CRTC1: variants seen among roughly 807,000 people sequenced by gnomAD.
The protein encoded by CRTC1 is CREB-regulated transcription coactivator 1.
CRTC1 carries 18 observed loss-of-function variants against 66.1 expected under a neutral mutation model. The ratio of observed to expected loss-of-function variants is 0.27; its 90% CI spans 0.19 to 0.40. The LOEUF (loss-of-function observed/expected upper bound fraction) is 0.40. CRTC1 is among the 10% of genes least tolerant of loss of function. The pLI, the probability that CRTC1 is intolerant of heterozygous loss-of-function variation, is 1.00. For missense variants in CRTC1, 669 were observed against 887.9 expected (o/e 0.75, Z 3.13); for synonymous variants, 416 against 398.8 (o/e 1.04, Z -0.51).
chr19:18,762,771 C>T (rs74736618), intron 8 of CRTC1, among the ~76,000 whole-genome samples: 9,591 of 152,358 alleles, frequency 0.063, 377 homozygotes, highest in Non-Finnish European at 0.093. Flanking sequence ...GCAAGGCTCC[C>T]GTCCGCCCTC....
rs62137144 is a variant in CRTC1, at chr19:18,760,453, C to G, written c.886+225C>G. 0.047 allele frequency among the ~76,000 whole-genome samples: 7,081 copies of G among 152,168 alleles called. 270 individuals are homozygous for G. The highest frequency in any genetic ancestry group is 0.14 in the Middle Eastern group (42 of 294). On this transcript the variant is annotated intron_variant, in intron 8 of 13. Transcript: ENST00000321949. The surrounding 1 kb of genome is among the most constrained non-coding windows in gnomAD (Gnocchi z 6.2). ...GTGCCTGGTGCCCCCAGACACCAGA[C>G]AGTGGGTTTGAGGGTGTGTGATGGT...
intron 1 of CRTC1, among the ~76,000 whole-genome samples, chr19:18,712,706 T>A (rs1182424133): frequency 1.3e-5 from 2 of 151,720 alleles, no homozygotes; most frequent in East Asian, 2.0e-4. Context: ...ATTCCTATAA[T>A]CCCAACGCTT....
At chr19:18,762,627 C>A (rs745736749) in intron 8 of CRTC1, among the ~76,000 whole-genome samples, 9 of 152,348 alleles carry the variant, frequency 5.9e-5, no homozygotes, top group Non-Finnish European at 1.3e-4. Flanking sequence ...CCTGGCCCAG[C>A]TTTGAGGCCG....
Position 18,741,276 on chromosome 19 carries a change from C to A in CRTC1, c.127-1634C>A, listed in dbSNP as rs1162917632. On this transcript the variant is annotated intron_variant, in intron 1 of 13. Transcript: ENST00000321949. The surrounding 1 kb of genome is among the most constrained non-coding windows in gnomAD (Gnocchi z 4.2). ...AAAGCTGCTTCAGGGAGTTCTTGCC[C>A]CTGATGTCTGGCCTCCTGGGAGCTG... 6.6e-6 allele frequency among the ~76,000 whole-genome samples: 1 copy of A among 152,212 alleles called. No individual in the cohort carries two copies. The highest frequency in any genetic ancestry group is 1.5e-5 in the Non-Finnish European group (1 of 68,036).
At chr19:18,699,997 G>T (rs1305526592) in intron 1 of CRTC1, among the ~76,000 whole-genome samples, 1 of 152,078 alleles carries the variant, frequency 6.6e-6, no homozygotes, top group Non-Finnish European at 1.5e-5. Context: ...CCTCATCTCG[G>T]CAGCTCTCAC....
intron 10 of CRTC1, among the ~76,000 whole-genome samples, chr19:18,770,616 A>G (rs1182711124): frequency 6.7e-6 from 1 of 150,038 alleles, no homozygotes; most frequent in Admixed American, 6.6e-5. Context: ...GTGCGGGTGT[A>G]TGTGGTGTGC....
At chr19:18,714,462 C>T (rs2053462086) in intron 1 of CRTC1, among the ~76,000 whole-genome samples, 2 of 152,118 alleles carry the variant, frequency 1.3e-5, no homozygotes, top group Admixed American at 1.3e-4. Context: ...TGTGCACCAC[C>T]ACGCCCAGCT....
At position 18,781,232 on chromosome 19, in the gene CRTC1, G is replaced by A. The variant is rs936215378; in HGVS notation, c.*3850G>A. ...GTGCCCTGGGCCAGGGCGTGCGGGC[G>A]CCAGAGCCTTCCCTACACAGCCTAA... On this transcript the variant is annotated 3_prime_UTR_variant, in exon 14 of 14. Transcript: ENST00000321949. 26 of 227,042 alleles carry A rather than the reference G, an allele frequency of 1.1e-4. No homozygotes were observed. The highest frequency in any genetic ancestry group is 1.1e-3 in the Admixed American group (19 of 17,564). 14.1% of individuals were successfully genotyped at this position (227,042 alleles called of 1,614,324 possible).
rs980374015 is a variant in CRTC1, at chr19:18,777,891, C to T, written c.*509C>T. 3 of 262,500 alleles carry T rather than the reference C, an allele frequency of 1.1e-5. No homozygotes were observed. Among genetic ancestry groups the T allele is most frequent in the Non-Finnish European group, 2.2e-5 (3 of 138,666 alleles). The allele number at this position is 262,500 out of a possible 1,614,324, so 16.3% of individuals were successfully genotyped here. A position where few individuals can be genotyped will look rare whatever the true frequency, so the allele number is the denominator to read the frequency against. ...GGTAGAGAGTGAGCCCCACGCCGCC[C>T]CAGGGAGGAGGCGCCAGAGCGCGGG... On this transcript the variant is annotated 3_prime_UTR_variant, in exon 14 of 14. Coordinates refer to ENST00000321949, the MANE Select transcript of CRTC1 (RefSeq NM_015321.3). The surrounding 1 kb of genome is among the most constrained non-coding windows in gnomAD (Gnocchi z 5.5).
At chr19:18,734,100 C>G (rs2053946455) in intron 1 of CRTC1, among the ~76,000 whole-genome samples, 1 of 149,710 alleles carries the variant, frequency 6.7e-6, no homozygotes, top group African/African-American at 2.5e-5. Context: ...GAGACTCCGT[C>G]TCAAAAAAAA....
intron 1 of CRTC1, among the ~76,000 whole-genome samples, chr19:18,724,370 G>A (rs1184353303): frequency 6.6e-6 from 1 of 152,086 alleles, no homozygotes; most frequent in African/African-American, 2.4e-5. Context: ...GGGACCTGGG[G>A]TGTTCAGGTT....
chr19:18,756,755 TTG>T, intron 6 of CRTC1, among the ~76,000 whole-genome samples: 1 of 152,318 alleles, frequency 6.6e-6, no homozygotes, highest in Middle Eastern at 3.4e-3. Flanking sequence ...GACAGTCACC[TTG>T]CAGAGGGAGA....
At chr19:18,761,473 GC>G (rs2054613203) in intron 8 of CRTC1, among the ~76,000 whole-genome samples, 1 of 152,208 alleles carries the variant, frequency 6.6e-6, no homozygotes, top group Non-Finnish European at 1.5e-5. Flanking sequence ...GAATGAACCG[GC>G]CCCGGCCCAC....
Position 18,768,830 on chromosome 19 carries a change from G to T in CRTC1, c.1320+37G>T, listed in dbSNP as rs1198289653. The T allele has an allele frequency of 2.6e-6, 4 of 1,561,022 alleles. No individual in the cohort carries two copies. The highest frequency in any genetic ancestry group is 3.5e-6 in the Non-Finnish European group (4 of 1,154,238). On this transcript the variant is annotated intron_variant, in intron 10 of 13. Transcript: ENST00000321949. The surrounding 1 kb of genome is among the most constrained non-coding windows in gnomAD (Gnocchi z 5.6). ...GTGGGGTCCCTCGGGGCCTGACTGG[G>T]GGTCTTGTAGAGGACAGCCCGGGGG...
chr19:18,765,375 G>T, intron 8 of CRTC1, 29 bp from the exon 9 acceptor site: 1 of 1,597,478 alleles, frequency 6.3e-7, no homozygotes, highest in Non-Finnish European at 8.6e-7. Flanking sequence ...TCTCACACCT[G>T]CTCTCCCTCC....
At chr19:18,775,178 G>T (rs2054958235) in intron 12 of CRTC1, among the ~76,000 whole-genome samples, 192 bp downstream of exon 12, 1 of 152,248 alleles carries the variant, frequency 6.6e-6, no homozygotes, top group South Asian at 2.1e-4. Context: ...CGGCAGGGGT[G>T]GCCTAGCGCT....
intron 1 of CRTC1, among the ~76,000 whole-genome samples, chr19:18,701,827 G>A (rs868457278): frequency 6.6e-5 from 10 of 151,300 alleles, no homozygotes; most frequent in Non-Finnish European, 1.5e-4. Flanking sequence ...CATGTTGGTC[G>A]GGCAGGTCTC....
chr19:18,775,519 A>C, intron 12 of CRTC1, 122 bp from the exon 13 acceptor site: 2 of 893,478 alleles, frequency 2.2e-6, no homozygotes, highest in Non-Finnish European at 1.6e-6. Flanking sequence ...CTGGGTGCCG[A>C]GCATCCTGCA....
intron 1 of CRTC1, among the ~76,000 whole-genome samples, chr19:18,727,414 T>C (rs2053781727): frequency 6.6e-6 from 1 of 151,468 alleles, no homozygotes; most frequent in South Asian, 2.1e-4. Context: ...ACCCTATCTC[T>C]ACTAAAAATA....
Sources: allele counts gnomAD v4.1 joint callset (sites outside exome capture counted in the v4.1 genomes callset), GRCh38; gene constraint gnomAD v4.1.1; non-coding constraint Gnocchi (gnomAD v3.1); transcripts MANE v1.5; gene names NCBI Gene and HGNC (gene_info 2026-07-23, HGNC 2026-07-21).